TBC1D19: variants seen among roughly 807,000 people sequenced by gnomAD.
TBC1D19 encodes the protein TBC1 domain family member 19.
TBC1D19 carries 60 observed loss-of-function variants against 89.0 expected under a neutral mutation model. The ratio of observed to expected loss-of-function variants is 0.67; its 90% CI spans 0.55 to 0.84. The LOEUF (loss-of-function observed/expected upper bound fraction) is 0.84. Among genes scored for constraint, TBC1D19 ranks in the 40% least tolerant of loss-of-function variants. The pLI is 0.00. For missense variants in TBC1D19, 500 were observed against 610.8 expected (o/e 0.82, Z 1.91); for synonymous variants, 189 against 199.7 (o/e 0.95, Z 0.45).
intron 13 of TBC1D19, among the ~76,000 whole-genome samples, chr4:26,705,570 G>C (rs752003218): frequency 6.6e-6 from 1 of 152,104 alleles, no homozygotes; most frequent in Non-Finnish European, 1.5e-5. Flanking sequence ...ATGGGAGAAA[G>C]GACAAGCACA....
At position 26,670,340 on chromosome 4, in the gene TBC1D19, A is replaced by G. The variant is rs186428138; in HGVS notation, c.665-1809A>G. Among the ~76,000 whole-genome samples the G allele has an allele frequency of 2.5e-3, 386 of 151,676 alleles. 4 individuals carry two copies. Among genetic ancestry groups the G allele is most frequent in the African/African-American group, 9.1e-3 (376 of 41,504 alleles). On this transcript the variant is annotated intron_variant, in intron 9 of 20. Coordinates refer to ENST00000264866, the MANE Select transcript of TBC1D19 (RefSeq NM_018317.4). The stretch of plus-strand genomic sequence containing the variant: ...AGAAATATTAGGACTACAATAAACT[A>G]AAAGAATAAGGCATTCTGGCTCAAA...
At chr4:26,609,836 G>A (rs1488487959) in intron 1 of TBC1D19, among the ~76,000 whole-genome samples, 1 of 152,126 alleles carries the variant, frequency 6.6e-6, no homozygotes, top group African/African-American at 2.4e-5. Flanking sequence ...AGCACCTACT[G>A]TGTGAAAACA....
intron 15 of TBC1D19, among the ~76,000 whole-genome samples, chr4:26,734,977 CATATGT>C (rs766848206): frequency 6.7e-6 from 1 of 149,616 alleles, no homozygotes; most frequent in Non-Finnish European, 1.5e-5. Context: ...TATGTATACA[CATATGT>C]ATATGTATAT....
At chr4:26,626,090 A>G (rs1169031873) in intron 4 of TBC1D19, among the ~76,000 whole-genome samples, 1 of 152,088 alleles carries the variant, frequency 6.6e-6, no homozygotes, top group Non-Finnish European at 1.5e-5. Context: ...CCATTTATTT[A>G]TGTATTCAAT....
chr4:26,738,065 G>C (rs1451359359), intron 16 of TBC1D19, among the ~76,000 whole-genome samples: 1 of 151,614 alleles, frequency 6.6e-6, no homozygotes, highest in Admixed American at 6.6e-5. Context: ...GAACCAAATA[G>C]GAAAGGATGC....
At chr4:26,731,585 A>G (rs148321432) in intron 15 of TBC1D19, among the ~76,000 whole-genome samples, 4 of 152,266 alleles carry the variant, frequency 2.6e-5, no homozygotes, top group Non-Finnish European at 5.9e-5. Context: ...GGTTGGTATT[A>G]TGGATTAATA....
intron 13 of TBC1D19, among the ~76,000 whole-genome samples, chr4:26,712,108 G>A (rs1716234832): frequency 6.6e-6 from 1 of 151,976 alleles, no homozygotes; most frequent in South Asian, 2.1e-4. Context: ...GTTTCTTTAG[G>A]AATTGTTTTT....
At chr4:26,759,755 A>G (rs1289466181), downstream of TBC1D19, among the ~76,000 whole-genome samples, 2 of 152,158 alleles carry the variant, frequency 1.3e-5, no homozygotes, top group African/African-American at 2.4e-5. Flanking sequence ...TTTGCTTAGC[A>G]TGTTTTGAGA....
intron 13 of TBC1D19, among the ~76,000 whole-genome samples, chr4:26,698,650 G>C (rs1189932887): frequency 1.3e-5 from 2 of 152,228 alleles, no homozygotes; most frequent in East Asian, 1.9e-4. Flanking sequence ...GCATGGTACT[G>C]CTACCAAAAC....
At chr4:26,617,769 T>C (rs929963800) in intron 3 of TBC1D19, among the ~76,000 whole-genome samples, 33 of 152,248 alleles carry the variant, frequency 2.2e-4, no homozygotes, top group African/African-American at 7.7e-4. Flanking sequence ...AGAAATTAGA[T>C]GACCTATTCT....
At chr4:26,763,416 G>T in the TBC1D19 span, among the ~76,000 whole-genome samples, 1 of 152,102 alleles carries the variant, frequency 6.6e-6, no homozygotes, top group Non-Finnish European at 1.5e-5. Context: ...ATAAAACTTT[G>T]GTCTCCACAA....
At chr4:26,845,313 G>A in the TBC1D19 span, among the ~76,000 whole-genome samples, 1 of 152,052 alleles carries the variant, frequency 6.6e-6, no homozygotes, top group African/African-American at 2.4e-5. Context: ...TTCAAAAAGT[G>A]TAATTACTGG....
the TBC1D19 span, among the ~76,000 whole-genome samples, chr4:26,786,753 CTGGATGGATGGA>C: frequency 3.5e-5 from 3 of 85,682 alleles, no homozygotes; most frequent in Non-Finnish European, 5.3e-5. Flanking sequence ...GGGTGGATGC[CTGGATGGATGGA>C]TGGATGGATG....
chr4:26,607,328 T>G (rs1741076945), intron 1 of TBC1D19, among the ~76,000 whole-genome samples: 1 of 152,190 alleles, frequency 6.6e-6, no homozygotes, highest in Non-Finnish European at 1.5e-5. Context: ...TTTACAAATA[T>G]TTAGTCCATT....
chr4:26,816,996 G>A, the TBC1D19 span, among the ~76,000 whole-genome samples: 2 of 152,100 alleles, frequency 1.3e-5, no homozygotes, highest in African/African-American at 2.4e-5. Flanking sequence ...TAGATTCTAC[G>A]TGCTTCTGGG....
At chr4:26,697,733 G>A (rs1437145860) in intron 13 of TBC1D19, among the ~76,000 whole-genome samples, 4 of 152,054 alleles carry the variant, frequency 2.6e-5, no homozygotes, top group Non-Finnish European at 4.4e-5. Context: ...ACCAAATCCA[G>A]CATATAAACA....
chr4:26,653,651 CTTTG>C (rs1744570412), intron 7 of TBC1D19, among the ~76,000 whole-genome samples: 1 of 152,038 alleles, frequency 6.6e-6, no homozygotes, highest in Admixed American at 6.6e-5. Context: ...CTCTTTTGAT[CTTTG>C]TTTGTTTAAA....
At chr4:26,807,132 C>T in the TBC1D19 span, among the ~76,000 whole-genome samples, 1 of 152,196 alleles carries the variant, frequency 6.6e-6, no homozygotes, top group Non-Finnish European at 1.5e-5. Flanking sequence ...TCCCCTGTAG[C>T]ATCACTACGG....
intron 6 of TBC1D19, among the ~76,000 whole-genome samples, chr4:26,639,037 G>C (rs1378661876): frequency 6.6e-6 from 1 of 152,078 alleles, no homozygotes; most frequent in East Asian, 1.9e-4. Context: ...ACAGACATCA[G>C]GAGCAGCTTT....
Sources: allele counts gnomAD v4.1 joint callset (sites outside exome capture counted in the v4.1 genomes callset), GRCh38; gene constraint gnomAD v4.1.1; transcripts MANE v1.5; gene names NCBI Gene and HGNC (gene_info 2026-07-23, HGNC 2026-07-21).